AVEN: variants seen among roughly 807,000 people sequenced by gnomAD.
The protein encoded by AVEN is cell death regulator Aven.
In AVEN, 41 loss-of-function variants were observed where a neutral mutation model predicts 38.1. The ratio of observed to expected loss-of-function variants is 1.08; its 90% CI spans 0.84 to 1.40. The LOEUF is 1.40. AVEN is among the 40% of genes most tolerant of loss of function. The pLI is 0.00. For missense variants in AVEN, 605 were observed against 438.8 expected (o/e 1.38, Z -3.38); for synonymous variants, 206 against 171.8 (o/e 1.20, Z -1.56).
chr15:33,936,564 C>T (rs1181669604), intron 2 of AVEN, among the ~76,000 whole-genome samples: 1 of 152,124 alleles, frequency 6.6e-6, no homozygotes, highest in African/African-American at 2.4e-5. Flanking sequence ...CAGTTCTCCC[C>T]AGATCATTCA....
At chr15:33,958,564 C>T (rs573165207) in intron 2 of AVEN, among the ~76,000 whole-genome samples, 55 of 148,560 alleles carry the variant, frequency 3.7e-4, no homozygotes, top group African/African-American at 1.2e-3. Context: ...GCACTCCAGC[C>T]TGGGCAAGAC....
chr15:33,984,901 T>C (rs909714368), intron 2 of AVEN, among the ~76,000 whole-genome samples: 1 of 152,154 alleles, frequency 6.6e-6, no homozygotes, highest in African/African-American at 2.4e-5. Context: ...TGCCATGTCC[T>C]GTGTCATACA....
rs1405369073 is a variant in AVEN, at chr15:33,866,686, G to C, written c.1016C>G (p.Pro339Arg). ...PSVTEEKNMEPEQPSTSKNVT... is the reference protein window; with the variant it reads ...PSVTEEKNMEREQPSTSKNVT... ...ATTTTTGGAGGTACTTGGTTGCTCA[G>C]GTTCCATGTTTTTTTCTTCAGTCAC... is the stretch of plus-strand genomic sequence containing the variant. The change falls in exon 6 of 6, where the codon CCT becomes CGT. Residue 339 changes from proline to arginine, a missense_variant. Coordinates refer to ENST00000306730, the MANE Select transcript of AVEN (RefSeq NM_020371.3). 8 of 1,613,960 alleles carry C rather than the reference G, an allele frequency of 5.0e-6. No homozygotes were observed. The highest frequency in any genetic ancestry group is 1.3e-5 in the African/African-American group (1 of 75,016).
In AVEN at chr15:33,883,409, A is replaced by C. The variant is rs375015162; in HGVS notation, c.446-7414T>G. 6.3e-4 allele frequency among the ~76,000 whole-genome samples: 96 copies of C among 152,262 alleles called. No individual in the cohort carries two copies. In the East Asian group the frequency reaches 8.9e-3, roughly 14 times the overall value. On this transcript the variant is annotated intron_variant, in intron 2 of 5. Coordinates refer to ENST00000306730, the MANE Select transcript of AVEN (RefSeq NM_020371.3). Reference sequence around the variant, plus strand: ...AACAATGATATTTAGCTTTAACTTCAGCTAAATATTGATCATTTGGCCAAA... The same window carrying C: ...AACAATGATATTTAGCTTTAACTTCCGCTAAATATTGATCATTTGGCCAAA...
chr15:34,063,225 C>A lies in AVEN; in HGVS notation n.1334G>T. ...CTGGGCCCCAGCAATCCTCTGCTGGCAGTACTTGGTTGGGAAGCGGACAGT... is the reference window on the plus strand; with the variant it reads ...CTGGGCCCCAGCAATCCTCTGCTGGAAGTACTTGGTTGGGAAGCGGACAGT... On this transcript the variant is annotated non_coding_transcript_exon_variant, in exon 5 of 12. Transcript: ENST00000675287. The surrounding 1 kb of genome is among the most constrained non-coding windows in gnomAD (Gnocchi z 4.1). 6.2e-7 allele frequency: 1 copy of A among 1,614,180 alleles called. No individual in the cohort carries two copies.
chr15:33,864,970 A>G (rs1889974346), downstream of AVEN: 1 of 564,986 alleles, frequency 1.8e-6, no homozygotes, highest in Non-Finnish European at 3.1e-6. Context: ...TTGCTTCCCA[A>G]ACAGCCTGTG....
At chr15:33,969,066 A>G (rs546766465) in intron 2 of AVEN, 91 of 152,250 alleles carry the variant, frequency 6.0e-4, no homozygotes, top group African/African-American at 2.1e-3. Context: ...ACATGAAAGG[A>G]AAGTAGAGAA....
chr15:33,913,143 C>T (rs1306301234), intron 2 of AVEN, among the ~76,000 whole-genome samples: 4 of 152,138 alleles, frequency 2.6e-5, no homozygotes, highest in Non-Finnish European at 5.9e-5. Flanking sequence ...CCCGCCTCGG[C>T]CTCCCAAAGT....
intron 2 of AVEN, among the ~76,000 whole-genome samples, chr15:34,002,194 G>T (rs185666314): frequency 2.0e-5 from 3 of 152,116 alleles, no homozygotes; most frequent in Admixed American, 2.0e-4. Flanking sequence ...GCACACGTGT[G>T]TATATTAAGT....
chr15:34,043,972 C>T (rs993128599), upstream of AVEN, among the ~76,000 whole-genome samples: 3 of 152,052 alleles, frequency 2.0e-5, no homozygotes, highest in Non-Finnish European at 4.4e-5. Flanking sequence ...TATCTGTGAT[C>T]ACCTACTTGG....
upstream of AVEN, among the ~76,000 whole-genome samples, chr15:34,040,304 AAAGTT>A (rs1389027062): frequency 6.6e-6 from 1 of 152,180 alleles, no homozygotes; most frequent in Non-Finnish European, 1.5e-5. Flanking sequence ...CCAAAGAAGA[AAAGTT>A]AAATTATATT....
intron 2 of AVEN, among the ~76,000 whole-genome samples, chr15:33,944,344 G>A (rs571421145): frequency 5.9e-5 from 9 of 152,216 alleles, no homozygotes; most frequent in South Asian, 2.1e-4. Flanking sequence ...GTTCAGTGCC[G>A]GCAACTATAA....
At chr15:33,961,611 A>C (rs894205034) in intron 2 of AVEN, among the ~76,000 whole-genome samples, 2 of 151,696 alleles carry the variant, frequency 1.3e-5, no homozygotes, top group African/African-American at 2.4e-5. Context: ...CAGGAGATCG[A>C]GACCATTCTG....
At chr15:33,925,030 T>G (rs113609954) in intron 2 of AVEN, among the ~76,000 whole-genome samples, 95 of 152,338 alleles carry the variant, frequency 6.2e-4, no homozygotes, top group African/African-American at 2.2e-3. Context: ...AAATTTCGCT[T>G]TAGGAAATAT....
At chr15:33,962,614 A>G (rs1230240741) in intron 2 of AVEN, among the ~76,000 whole-genome samples, 1 of 152,194 alleles carries the variant, frequency 6.6e-6, no homozygotes, top group Non-Finnish European at 1.5e-5. Flanking sequence ...ATTTTTTAAC[A>G]TGCCACATCA....
chr15:33,862,528 G>C (rs142344605), downstream of AVEN, among the ~76,000 whole-genome samples: 687 of 152,332 alleles, frequency 4.5e-3, 6 homozygotes, highest in African/African-American at 0.016. Context: ...TTAGGCTAGA[G>C]CAGGCTCAGC....
At chr15:34,002,255 A>G (rs1897164503) in intron 2 of AVEN, among the ~76,000 whole-genome samples, 1 of 152,238 alleles carries the variant, frequency 6.6e-6, no homozygotes, top group Admixed American at 6.5e-5. Context: ...CACCGCAGTC[A>G]AGATACTAAT....
chr15:34,067,588 T>A (rs1185659202), intron 2 of AVEN: 1 of 152,214 alleles, frequency 6.6e-6, no homozygotes, highest in Non-Finnish European at 1.5e-5. Context: ...TGATACACAG[T>A]ATGGATACAC....
intron 2 of AVEN, among the ~76,000 whole-genome samples, chr15:33,941,086 G>C (rs889048788): frequency 2.0e-5 from 3 of 152,088 alleles, no homozygotes; most frequent in East Asian, 1.9e-4. Flanking sequence ...AACATTAAAG[G>C]CTTTGAGAAG....
Sources: allele counts gnomAD v4.1 joint callset (sites outside exome capture counted in the v4.1 genomes callset), GRCh38; gene constraint gnomAD v4.1.1; non-coding constraint Gnocchi (gnomAD v3.1); transcripts MANE v1.5; gene names NCBI Gene and HGNC (gene_info 2026-07-23, HGNC 2026-07-21).